Variants in RAB37 observed in about 807,000 individuals in gnomAD.
RAB37 encodes the protein ras-related protein Rab-37.
RAB37 carries 29 observed loss-of-function variants against 33.1 expected under a neutral mutation model. That is an observed-to-expected ratio of 0.88 (90% CI 0.65 to 1.20). RAB37 has a LOEUF of 1.20. Ranked by LOEUF, RAB37 falls within the 50% of genes most tolerant of loss-of-function variation. RAB37 has a pLI of 0.00. For synonymous variants in RAB37, 128 were observed against 119.5 expected (o/e 1.07, Z -0.47); for missense variants, 299 against 301.1 (o/e 0.99, Z 0.05).
rs368038007 is a variant in RAB37 at position 74,729,532 on chromosome 17, G to A, written c.183+166G>A. On this transcript the variant is annotated intron_variant, in intron 2 of 7. Transcript: ENST00000340415. This position sits in a 1 kb window ranked among gnomAD's most constrained non-coding sequence, Gnocchi z 4.2. ...TAGGAGGGTGTTGGGTGACCAGGAG[G>A]GAGGGTATACTGCCCCTGGGTAGTC... is the stretch of plus-strand genomic sequence containing the variant. Among the ~76,000 whole-genome samples the A allele has an allele frequency of 5.3e-5, 8 of 151,942 alleles. No individual in the cohort carries two copies. The highest frequency in any genetic ancestry group is 1.9e-4 in the African/African-American group (8 of 41,362).
At position 74,745,129 on chromosome 17, in the gene RAB37, C is replaced by G. The variant is rs2034725456; in HGVS notation, c.566+45C>G. The G allele has an allele frequency of 1.2e-6, 2 of 1,604,500 alleles. No individual in the cohort carries two copies. The highest frequency in any genetic ancestry group is 1.7e-5 in the Admixed American group (1 of 59,814). On this transcript the variant is annotated intron_variant, in intron 8 of 8. Transcript: ENST00000392613. This position sits in a 1 kb window ranked among gnomAD's most constrained non-coding sequence, Gnocchi z 4.5. Reference sequence around the variant, plus strand: ...GGGAAGTGTGCGGGGCAGGGCGGCACACTCCAGGAATCCAGTAGGGCCCGG... The same window carrying G: ...GGGAAGTGTGCGGGGCAGGGCGGCAGACTCCAGGAATCCAGTAGGGCCCGG...
At chr17:74,743,502 T>C (rs2034673525) in intron 5 of RAB37, among the ~76,000 whole-genome samples, 162 bp downstream of exon 5, 1 of 152,188 alleles carries the variant, frequency 6.6e-6, no homozygotes, top group Non-Finnish European at 1.5e-5. Flanking sequence ...TGCTGCTTTG[T>C]ATTTGGTGGC....
chr17:74,725,611 A>G (rs943931830), intron 1 of RAB37, among the ~76,000 whole-genome samples: 11 of 151,918 alleles, frequency 7.2e-5, no homozygotes, highest in Non-Finnish European at 1.6e-4. Flanking sequence ...AAAAGCTCTT[A>G]GAGTCATTAT....
Position 74,745,183 on chromosome 17 carries a change from C to A in RAB37, c.566+99C>A. 1 of 1,537,722 alleles carries A rather than the reference C, an allele frequency of 6.5e-7. No individual in the cohort carries two copies. ...CTGGCCCAGCCCCTGGACACACCTG[C>A]ATTCTGCAGGCTGAGGTCCATTTGC... On this transcript the variant is annotated intron_variant, in intron 8 of 8. Transcript: ENST00000392613. The surrounding 1 kb of genome is among the most constrained non-coding windows in gnomAD (Gnocchi z 4.5).
chr17:74,745,482 T>G lies in RAB37; in HGVS notation c.*71T>G. ...CCTTCCCCCTCCCAGGCCTGGCTTATTCCAAGAGGCTGAGCCAATGGGGAG... is the reference window on the plus strand; with the variant it reads ...CCTTCCCCCTCCCAGGCCTGGCTTAGTCCAAGAGGCTGAGCCAATGGGGAG... On this transcript the variant is annotated 3_prime_UTR_variant, in exon 9 of 9. Coordinates refer to ENST00000392613, the MANE Select transcript of RAB37 (RefSeq NM_001006638.3). The surrounding 1 kb of genome is among the most constrained non-coding windows in gnomAD (Gnocchi z 4.5). 4.7e-6 allele frequency: 6 copies of G among 1,268,170 alleles called. No homozygotes were observed. Among genetic ancestry groups the G allele is most frequent in the Non-Finnish European group, 5.7e-6 (5 of 871,386 alleles). The allele number at this position is 1,268,170 out of a possible 1,614,324, so 78.6% of individuals were successfully genotyped here.
At position 74,745,037 on chromosome 17, in the gene RAB37, C is replaced by A. The variant is rs977071609; in HGVS notation, c.519C>A (p.Ser173Arg). The change falls in exon 8 of 9, where the codon AGC (serine) becomes AGA (arginine). Residue 173 changes from serine to arginine, a missense_variant. Transcript: ENST00000392613. The surrounding 1 kb of genome is among the most constrained non-coding windows in gnomAD (Gnocchi z 4.5). ...REYGVPFLET[S>R]AKTGMNVELA... Reference sequence around the variant, plus strand: ...ACGGTGTTCCCTTCCTGGAGACCAGCGCCAAGACTGGCATGAATGTGGAGT... The same window carrying A: ...ACGGTGTTCCCTTCCTGGAGACCAGAGCCAAGACTGGCATGAATGTGGAGT... 1 of 1,614,252 alleles carries A rather than the reference C, an allele frequency of 6.2e-7. No individual in the cohort carries two copies. The highest frequency in any genetic ancestry group is 8.5e-7 in the Non-Finnish European group (1 of 1,180,050).
rs925527383 is a variant in RAB37, at chr17:74,742,617, T to TTTTTC, written c.246+337_246+341dup. Among the ~76,000 whole-genome samples, 4 of 151,888 alleles carry TTTTTC rather than the reference T, an allele frequency of 2.6e-5. No individual in the cohort carries two copies. The highest frequency in any genetic ancestry group is 2.0e-4 in the Admixed American group (3 of 15,254). On this transcript the variant is annotated intron_variant, in intron 3 of 8. Transcript: ENST00000392613. This position sits in a 1 kb window ranked among gnomAD's most constrained non-coding sequence, Gnocchi z 4.0. ...CTAGGGGAGAGGAGAAGATTCTTTT[T>TTTTTC]TTTTCTTTTCTTTTCTTTTTTTTTT...
intron 1 of RAB37, chr17:74,712,895 T>G: frequency 6.2e-7 from 1 of 1,612,782 alleles, no homozygotes; most frequent in Non-Finnish European, 8.5e-7. Flanking sequence ...CCCGTTCCCC[T>G]CAGTGGAGCC....
At chr17:74,708,842 G>T (rs904282474) in intron 1 of RAB37, among the ~76,000 whole-genome samples, 2 of 151,616 alleles carry the variant, frequency 1.3e-5, no homozygotes, top group African/African-American at 2.4e-5. Flanking sequence ...GTGAACCCGG[G>T]GGGGCGGAGC....
intron 1 of RAB37, among the ~76,000 whole-genome samples, chr17:74,724,934 T>G (rs1015416763): frequency 6.6e-6 from 1 of 152,062 alleles, no homozygotes; most frequent in Non-Finnish European, 1.5e-5. Flanking sequence ...CCTGACAATA[T>G]CTAAGGTAAT....
At chr17:74,727,823 T>C (rs2034324222) in intron 1 of RAB37, among the ~76,000 whole-genome samples, 1 of 152,272 alleles carries the variant, frequency 6.6e-6, no homozygotes, top group Admixed American at 6.5e-5. Flanking sequence ...TATGTGTGGG[T>C]ATCTGTGTGC....
chr17:74,721,662 A>G (rs900383730), intron 1 of RAB37, among the ~76,000 whole-genome samples: 5 of 151,826 alleles, frequency 3.3e-5, no homozygotes, highest in African/African-American at 9.7e-5. Context: ...CAAACTCCCA[A>G]CCTCAGGTGA....
intron 1 of RAB37, among the ~76,000 whole-genome samples, chr17:74,675,428 C>T (rs2031807958): frequency 6.7e-6 from 1 of 148,326 alleles, no homozygotes; most frequent in African/African-American, 2.5e-5. Flanking sequence ...AGTGAGACTC[C>T]ATCCGAAAAA....
intron 1 of RAB37, among the ~76,000 whole-genome samples, chr17:74,675,237 C>T (rs1159365714): frequency 1.3e-5 from 2 of 151,986 alleles, no homozygotes; most frequent in Admixed American, 6.6e-5. Context: ...GAGATCGAGA[C>T]CATCCTGGCC....
chr17:74,695,799 T>C (rs748585405), intron 1 of RAB37: 2 of 1,614,010 alleles, frequency 1.2e-6, no homozygotes, highest in Non-Finnish European at 1.7e-6. Flanking sequence ...TGCGGGGAGG[T>C]TCCGGCCAGC....
chr17:74,714,275 A>G (rs1213707428), intron 1 of RAB37, among the ~76,000 whole-genome samples: 1 of 152,042 alleles, frequency 6.6e-6, no homozygotes, highest in Non-Finnish European at 1.5e-5. Context: ...AGTCCAAGCA[A>G]TCTGGGAAGC....
At chr17:74,695,777 G>T (rs765481112) in intron 1 of RAB37, 1 of 1,614,032 alleles carries the variant, frequency 6.2e-7, no homozygotes, top group Non-Finnish European at 8.5e-7. Flanking sequence ...GGAAAGCTTC[G>T]TGGTAGCCTT....
intron 1 of RAB37, among the ~76,000 whole-genome samples, chr17:74,714,895 G>A (rs1336238110): frequency 6.6e-6 from 1 of 152,152 alleles, no homozygotes; most frequent in East Asian, 1.9e-4. Flanking sequence ...GCCAAGGCAG[G>A]TGGATCACCT....
At chr17:74,698,850 C>T (rs1249110952) in intron 1 of RAB37, among the ~76,000 whole-genome samples, 1 of 152,074 alleles carries the variant, frequency 6.6e-6, no homozygotes, top group East Asian at 1.9e-4. Context: ...TGTACGTGTA[C>T]CCCTGAAGCT....
Sources: allele counts gnomAD v4.1 joint callset (sites outside exome capture counted in the v4.1 genomes callset), GRCh38; gene constraint gnomAD v4.1.1; non-coding constraint Gnocchi (gnomAD v3.1); transcripts MANE v1.5; gene names NCBI Gene and HGNC (gene_info 2026-07-23, HGNC 2026-07-21).